NAV3: variants seen among roughly 807,000 people sequenced by gnomAD.
NAV3 encodes the protein pore membrane and/or filament interacting like protein 1.
Under a neutral mutation model 244.7 loss-of-function variants are expected in NAV3, and 87 were observed. The ratio of observed to expected loss-of-function variants is 0.36; its 90% CI spans 0.30 to 0.42. The LOEUF (loss-of-function observed/expected upper bound fraction) is 0.42. Ranked by LOEUF, NAV3 falls within the 20% of genes least tolerant of loss-of-function variation. The probability of loss-of-function intolerance (pLI) is 1.00; values close to 1 mark genes in which losing one functional copy is unlikely to be tolerated. For missense variants in NAV3, 2,663 were observed against 2,893.3 expected, an observed-to-expected ratio of 0.92 and a Z score of 1.83; for synonymous variants, 1,126 against 1,042.2, an observed-to-expected ratio of 1.08 and a Z score of -1.55.
chr12:78,141,808 T>C (rs985293528), intron 20 of NAV3, among the ~76,000 whole-genome samples: 1 of 152,310 alleles, frequency 6.6e-6, no homozygotes, highest in African/African-American at 2.4e-5. Flanking sequence ...TTAGTGTTCC[T>C]CCTGTTGGGC....
intron 9 of NAV3, among the ~76,000 whole-genome samples, chr12:78,023,949 A>G (rs552394960): frequency 6.6e-6 from 1 of 152,224 alleles, no homozygotes; most frequent in South Asian, 2.1e-4. Flanking sequence ...TCTCATCATC[A>G]TACCCTAGAT....
At chr12:77,868,211 G>A (rs967528283) in intron 1 of NAV3, among the ~76,000 whole-genome samples, 1 of 134,718 alleles carries the variant, frequency 7.4e-6, no homozygotes. Flanking sequence ...ATAAAAATGG[G>A]CCCTCCTAAA....
chr12:77,638,323 C>T (rs2136943127), intron 2 of NAV3, among the ~76,000 whole-genome samples: 2 of 151,986 alleles, frequency 1.3e-5, no homozygotes, highest in East Asian at 3.9e-4. Flanking sequence ...GATCTTACCA[C>T]CCTGAAGAAA....
At chr12:78,143,597 C>A (rs561685119) in intron 20 of NAV3, among the ~76,000 whole-genome samples, 1 of 143,722 alleles carries the variant, frequency 7.0e-6, no homozygotes, top group African/African-American at 2.6e-5. Flanking sequence ...TGCACTCCAG[C>A]CTGGGCGACA....
chr12:77,646,368 GAC>G (rs775152293), intron 2 of NAV3, among the ~76,000 whole-genome samples: 14 of 152,276 alleles, frequency 9.2e-5, no homozygotes, highest in Admixed American at 2.6e-4. Context: ...CCTGCTGTGA[GAC>G]AGAGGCAGAG....
intron 2 of NAV3, among the ~76,000 whole-genome samples, chr12:77,621,305 T>C (rs1220495122): frequency 2.6e-5 from 4 of 152,192 alleles, no homozygotes; most frequent in Non-Finnish European, 5.9e-5. Context: ...CTAACATATG[T>C]AGAAGCAATG....
At chr12:77,762,474 G>C (rs1046593620) in intron 2 of NAV3, among the ~76,000 whole-genome samples, 2 of 152,090 alleles carry the variant, frequency 1.3e-5, no homozygotes, top group African/African-American at 4.8e-5. Context: ...ATGTTGGTGT[G>C]CACCTGTAGT....
intron 20 of NAV3, among the ~76,000 whole-genome samples, chr12:78,143,690 A>G (rs186479308): frequency 2.3e-4 from 35 of 152,086 alleles, no homozygotes; most frequent in Admixed American, 1.1e-3. Context: ...ATCTAAGCCA[A>G]CACTGTGAAA....
At chr12:77,779,307 T>A (rs1253457515) in intron 2 of NAV3, among the ~76,000 whole-genome samples, 1 of 152,158 alleles carries the variant, frequency 6.6e-6, no homozygotes, top group Non-Finnish European at 1.5e-5. Flanking sequence ...TCTCAAAGGG[T>A]GTAAAACCAA....
intron 15 of NAV3, among the ~76,000 whole-genome samples, chr12:78,120,487 A>G (rs1955624098): frequency 6.6e-6 from 1 of 152,196 alleles, no homozygotes; most frequent in African/African-American, 2.4e-5. Context: ...AAGATATGAC[A>G]TAATTTGAAA....
At chr12:77,858,880 G>T (rs1409357588) in intron 1 of NAV3, among the ~76,000 whole-genome samples, 1 of 152,050 alleles carries the variant, frequency 6.6e-6, no homozygotes, top group African/African-American at 2.4e-5. Context: ...GATATGCAGT[G>T]CTTAGCAGAG....
At chr12:77,819,481 T>C (rs1283699281) in intron 2 of NAV3, among the ~76,000 whole-genome samples, 1 of 151,580 alleles carries the variant, frequency 6.6e-6, no homozygotes, top group African/African-American at 2.4e-5. Flanking sequence ...TTGTGAAACT[T>C]CTTCAATTCA....
In NAV3 at chr12:77,702,810, A is replaced by C. The variant is rs1194840005; in HGVS notation, c.72+130544A>C. Among the ~76,000 whole-genome samples, 11 of 143,240 alleles carry C rather than the reference A, an allele frequency of 7.7e-5. No homozygotes were observed. The Admixed American group carries it at 7.9e-4, about 10-fold the overall frequency. The allele number at this position is 143,240 out of a possible 152,430, so 94.0% of individuals were successfully genotyped here. A position where few individuals can be genotyped will look rare whatever the true frequency, so the allele number is the denominator to read the frequency against. On this transcript the variant is annotated intron_variant, in intron 2 of 8. Transcript: ENST00000550042. ...TAGACAAGAGTCTTTCAAATAAGTT[A>C]ATAGAAGAAAAATAGATAGTATTTT...
chr12:77,902,082 A>T (rs1211191961), intron 1 of NAV3, among the ~76,000 whole-genome samples: 1 of 152,168 alleles, frequency 6.6e-6, no homozygotes, highest in East Asian at 1.9e-4. Context: ...TCTGACATTA[A>T]ATTTTAATTA....
chr12:78,117,158 CATATATATATAT>C (rs377148138), intron 13 of NAV3, among the ~76,000 whole-genome samples: 11 of 70,334 alleles, frequency 1.6e-4, no homozygotes, highest in African/African-American at 3.2e-4. Flanking sequence ...ACAGAAGCAG[CATATATATATAT>C]ATATATATAT....
intron 2 of NAV3, among the ~76,000 whole-genome samples, chr12:77,669,344 C>G (rs959738146): frequency 6.6e-5 from 10 of 152,120 alleles, no homozygotes; most frequent in Admixed American, 1.3e-4. Flanking sequence ...AATAGTACCT[C>G]ACATCTCCAT....
chr12:77,903,617 T>C (rs1565906215), intron 1 of NAV3, among the ~76,000 whole-genome samples: 2 of 152,096 alleles, frequency 1.3e-5, no homozygotes, highest in African/African-American at 2.4e-5. Context: ...CCAAAAGCAA[T>C]GGCAACAAAA....
At chr12:77,583,148 T>C (rs1869445780) in intron 2 of NAV3, among the ~76,000 whole-genome samples, 1 of 152,370 alleles carries the variant, frequency 6.6e-6, no homozygotes, top group Non-Finnish European at 1.5e-5. Flanking sequence ...CTCTTAAGAA[T>C]GTCACCAAAC....
chr12:77,915,792 A>G (rs1887083311), intron 1 of NAV3, among the ~76,000 whole-genome samples: 3 of 151,962 alleles, frequency 2.0e-5, no homozygotes, highest in Admixed American at 2.0e-4. Flanking sequence ...GGCTTCCTGA[A>G]TTCCCCATTC....
Sources: gnomAD v4.1 joint callset for allele counts (sites outside exome capture counted in the v4.1 genomes callset) on GRCh38, gnomAD v4.1.1 for gene constraint, MANE v1.5 for transcripts, NCBI Gene and HGNC (gene_info 2026-07-23, HGNC 2026-07-21) for gene names.